The following CCDC91 variants were observed in gnomAD, a reference collection of about 807,000 sequenced individuals.
The protein encoded by CCDC91 is coiled-coil domain-containing protein 91.
In CCDC91, 48 loss-of-function variants were observed where a neutral mutation model predicts 63.2. The observed-to-expected ratio is 0.76, with a 90% CI of 0.60 to 0.97. CCDC91 has a LOEUF of 0.97. Ranked by LOEUF, CCDC91 falls within the 50% of genes least tolerant of loss-of-function variation. CCDC91 has a pLI of 0.00. For synonymous variants in CCDC91, 167 were observed against 165.8 expected, an observed-to-expected ratio of 1.01 and a Z score of -0.06; for missense variants, 500 against 494.6, an observed-to-expected ratio of 1.01 and a Z score of -0.10.
At chr12:28,520,691 T>C (rs1331913378) in intron 12 of CCDC91, among the ~76,000 whole-genome samples, 1 of 152,236 alleles carries the variant, frequency 6.6e-6, no homozygotes, top group Non-Finnish European at 1.5e-5. Context: ...CTTCTAGGGT[T>C]TTTATGGTTT....
intron 3 of CCDC91, among the ~76,000 whole-genome samples, chr12:28,288,452 A>T (rs1949033516): frequency 6.6e-6 from 1 of 152,156 alleles, no homozygotes; most frequent in Non-Finnish European, 1.5e-5. Flanking sequence ...ATCTATTGAG[A>T]TAATCATGTG....
intron 12 of CCDC91, among the ~76,000 whole-genome samples, chr12:28,487,299 G>T (rs1396580905): frequency 1.3e-5 from 2 of 151,632 alleles, no homozygotes; most frequent in African/African-American, 4.8e-5. Flanking sequence ...GTAAATAAAT[G>T]ATCTGAAATG....
intron 8 of CCDC91, among the ~76,000 whole-genome samples, chr12:28,401,064 T>A (rs1382430054): frequency 6.6e-6 from 1 of 152,126 alleles, no homozygotes; most frequent in South Asian, 2.1e-4. Context: ...GTTACTCAGT[T>A]CCAAAGTCAC....
At chr12:28,445,446 C>T (rs1317011931) in intron 8 of CCDC91, among the ~76,000 whole-genome samples, 4 of 152,150 alleles carry the variant, frequency 2.6e-5, no homozygotes, top group Non-Finnish European at 5.9e-5. Context: ...ACTAATTTAG[C>T]AGAGAAGAGC....
chr12:28,307,914 T>G (rs1938916007), intron 6 of CCDC91, among the ~76,000 whole-genome samples, 165 bp downstream of exon 6: 1 of 152,006 alleles, frequency 6.6e-6, no homozygotes, highest in African/African-American at 2.4e-5. Context: ...ACACCCATTT[T>G]GAAAAATATG....
chr12:28,290,204 A>G (rs1592216996), intron 3 of CCDC91, among the ~76,000 whole-genome samples: 3 of 152,096 alleles, frequency 2.0e-5, no homozygotes, highest in South Asian at 4.1e-4. Context: ...TGTTGGTCGC[A>G]TATACATTTA....
chr12:28,261,651 C>T (rs1456044045), intron 3 of CCDC91, among the ~76,000 whole-genome samples: 4 of 151,940 alleles, frequency 2.6e-5, no homozygotes, highest in African/African-American at 9.7e-5. Context: ...TGAACAGAGT[C>T]TCTTTTCTTA....
intron 8 of CCDC91, among the ~76,000 whole-genome samples, chr12:28,425,219 T>C (rs1948241548): frequency 6.6e-6 from 1 of 152,176 alleles, no homozygotes; most frequent in Non-Finnish European, 1.5e-5. Flanking sequence ...GCTCTTCATG[T>C]ATTTCCATTA....
chr12:28,473,839 C>G (rs1465249666), intron 11 of CCDC91, among the ~76,000 whole-genome samples: 8 of 152,094 alleles, frequency 5.3e-5, no homozygotes, highest in Non-Finnish European at 1.2e-4. Context: ...CTTTCTTCCC[C>G]CTCAGGAGAA....
At chr12:28,543,865 CT>C (rs1024260213) in intron 12 of CCDC91, among the ~76,000 whole-genome samples, 1 of 151,962 alleles carries the variant, frequency 6.6e-6, no homozygotes, top group African/African-American at 2.4e-5. Flanking sequence ...TTTTATTTCT[CT>C]TTTCCTTTCA....
At chr12:28,475,211 A>C (rs896239253) in intron 11 of CCDC91, among the ~76,000 whole-genome samples, 1 of 152,116 alleles carries the variant, frequency 6.6e-6, no homozygotes, top group Non-Finnish European at 1.5e-5. Flanking sequence ...AGTCAACTCT[A>C]ACTTACTGCC....
rs1279421348 is a variant in CCDC91, at chr12:28,330,909, A to C, written c.576+23160A>C. Among the ~76,000 whole-genome samples the C allele has an allele frequency of 2.6e-5, 4 of 152,156 alleles. No individual in the cohort carries two copies. The South Asian group carries it at 8.3e-4, about 32-fold the overall frequency. On this transcript the variant is annotated intron_variant, in intron 6 of 12. Coordinates refer to ENST00000536442, the MANE Select transcript of CCDC91 (RefSeq NM_018318.5). ...TTGCCCTTTAAAAAACAAACCAAAAACCCCTCAGATATTGGAGAAAGCCTA... is the reference window on the plus strand; with the variant it reads ...TTGCCCTTTAAAAAACAAACCAAAACCCCCTCAGATATTGGAGAAAGCCTA...
intron 8 of CCDC91, among the ~76,000 whole-genome samples, chr12:28,440,227 G>A (rs930246625): frequency 1.3e-5 from 2 of 152,152 alleles, no homozygotes; most frequent in African/African-American, 4.8e-5. Flanking sequence ...TAGTGGCTTT[G>A]TTTATAAGTA....
intron 1 of CCDC91, among the ~76,000 whole-genome samples, chr12:28,228,321 A>G (rs1482405096): frequency 2.6e-5 from 4 of 152,094 alleles, no homozygotes; most frequent in South Asian, 2.1e-4. Flanking sequence ...GTAAATTACT[A>G]TCTTTCTCAG....
chr12:28,208,029 C>T (rs1942975579), intron 1 of CCDC91, among the ~76,000 whole-genome samples: 1 of 152,134 alleles, frequency 6.6e-6, no homozygotes, highest in Non-Finnish European at 1.5e-5. Flanking sequence ...TTTTGTTCTA[C>T]TTGGATTAGC....
intron 1 of CCDC91, among the ~76,000 whole-genome samples, chr12:28,249,867 T>C (rs914894001): frequency 6.6e-6 from 1 of 152,144 alleles, no homozygotes; most frequent in Non-Finnish European, 1.5e-5. Context: ...CATTGAGCGA[T>C]GAGATTTTGC....
chr12:28,272,367 C>T (rs1274800658), intron 3 of CCDC91, among the ~76,000 whole-genome samples: 1 of 149,560 alleles, frequency 6.7e-6, no homozygotes, highest in Non-Finnish European at 1.5e-5. Context: ...GTTGTTGTTG[C>T]TCCATTCTCT....
intron 6 of CCDC91, among the ~76,000 whole-genome samples, chr12:28,338,052 T>G (rs1040794423): frequency 1.2e-4 from 19 of 152,120 alleles, no homozygotes; most frequent in African/African-American, 4.6e-4. Context: ...CAGTCTATAT[T>G]TTAGTGGTGT....
chr12:28,531,493 C>G (rs1340124733), intron 12 of CCDC91, among the ~76,000 whole-genome samples: 1 of 151,980 alleles, frequency 6.6e-6, no homozygotes, highest in Non-Finnish European at 1.5e-5. Flanking sequence ...TGATGCAGAC[C>G]TCTTTTTCAT....
Sources: gnomAD v4.1 joint callset for allele counts (sites outside exome capture counted in the v4.1 genomes callset) on GRCh38, gnomAD v4.1.1 for gene constraint, MANE v1.5 for transcripts, NCBI Gene and HGNC (gene_info 2026-07-23, HGNC 2026-07-21) for gene names.